AGMO: variants seen among roughly 807,000 people sequenced by gnomAD.
The protein encoded by AGMO is alkylglycerol monooxygenase.
AGMO carries 75 observed loss-of-function variants against 60.2 expected under a neutral mutation model. That is an observed-to-expected ratio of 1.25 (90% CI 1.03 to 1.51). The LOEUF (loss-of-function observed/expected upper bound fraction) is 1.51, where lower values mean the gene tolerates loss of function less well. Ranked by LOEUF, AGMO falls within the 40% of genes most tolerant of loss-of-function variation. The probability of loss-of-function intolerance (pLI) is 0.00; values close to 1 mark genes in which losing one functional copy is unlikely to be tolerated. For missense variants in AGMO, 763 were observed against 525.5 expected, an observed-to-expected ratio of 1.45 and a Z score of -4.42; for synonymous variants, 261 against 177.1, an observed-to-expected ratio of 1.47 and a Z score of -3.76.
At chr7:15,552,903 A>G (rs1311408020) in intron 2 of AGMO, among the ~76,000 whole-genome samples, 1 of 150,626 alleles carries the variant, frequency 6.6e-6, no homozygotes, top group Non-Finnish European at 1.5e-5. Flanking sequence ...TCACGATAGC[A>G]AAGACTTGGA....
intron 3 of AGMO, among the ~76,000 whole-genome samples, chr7:15,510,586 A>G (rs1438623201): frequency 1.3e-5 from 2 of 149,922 alleles, no homozygotes; most frequent in African/African-American, 4.9e-5. Flanking sequence ...TATGACATAT[A>G]TAACATAGAA....
rs377423725 is a variant in AGMO, at chr7:15,506,762, A to G, written c.409+38010T>C. ...CAGATAAAAGTGGGACAAAATATAG[A>G]GCCAGATCTCAGAAAGTGTGAGATG... On this transcript the variant is annotated intron_variant, in intron 3 of 12. Transcript: ENST00000342526. Among the ~76,000 whole-genome samples, 68 of 152,100 alleles carry G rather than the reference A, an allele frequency of 4.5e-4. 1 individual carries two copies. Among genetic ancestry groups the G allele is most frequent in the African/African-American group, 1.6e-3 (67 of 41,540 alleles).
At chr7:15,464,443 A>G (rs1782225591) in intron 3 of AGMO, among the ~76,000 whole-genome samples, 1 of 152,204 alleles carries the variant, frequency 6.6e-6, no homozygotes, top group South Asian at 2.1e-4. Flanking sequence ...AAATAAAAAA[A>G]TTCCTCATAA....
intron 5 of AGMO, among the ~76,000 whole-genome samples, chr7:15,408,484 C>T (rs1011241386): frequency 3.3e-5 from 5 of 151,654 alleles, no homozygotes; most frequent in South Asian, 2.1e-4. Flanking sequence ...GAAAGGCAAG[C>T]GGTATTAACG....
the AGMO span, among the ~76,000 whole-genome samples, chr7:15,145,686 C>T: frequency 6.6e-6 from 1 of 152,076 alleles, no homozygotes; most frequent in Admixed American, 6.5e-5. Flanking sequence ...TTTCCTTAAA[C>T]TTCACAATGT....
chr7:15,315,755 T>C (rs999438391), intron 12 of AGMO, among the ~76,000 whole-genome samples: 1 of 152,120 alleles, frequency 6.6e-6, no homozygotes, highest in Non-Finnish European at 1.5e-5. Flanking sequence ...ATACCTGTTA[T>C]TGAGATAAGA....
intron 10 of AGMO, among the ~76,000 whole-genome samples, chr7:15,379,434 C>A (rs186495306): frequency 0.097 from 14,736 of 152,010 alleles, 924 homozygotes; most frequent in South Asian, 0.16. Flanking sequence ...AGGTTATTAT[C>A]AATGACCCCA....
chr7:15,491,140 A>G (rs1583607888), intron 3 of AGMO, among the ~76,000 whole-genome samples: 1 of 152,204 alleles, frequency 6.6e-6, no homozygotes, highest in East Asian at 1.9e-4. Flanking sequence ...ACAAAGATGC[A>G]TCAAATACTG....
At chr7:15,169,433 T>TC in the AGMO span, among the ~76,000 whole-genome samples, 2 of 152,066 alleles carry the variant, frequency 1.3e-5, no homozygotes, top group African/African-American at 4.8e-5. Context: ...TTTTTCTTTT[T>TC]TTTCTTTCTT....
intron 3 of AGMO, among the ~76,000 whole-genome samples, chr7:15,468,892 C>A (rs1323798321): frequency 1.3e-5 from 2 of 151,928 alleles, no homozygotes; most frequent in African/African-American, 4.8e-5. Context: ...TAAAATGCTG[C>A]TCTTGTTGGT....
intron 8 of AGMO, among the ~76,000 whole-genome samples, chr7:15,388,263 T>C (rs1158702633): frequency 2.6e-5 from 4 of 152,158 alleles, no homozygotes; most frequent in Admixed American, 6.5e-5. Context: ...GTTCCATTAT[T>C]GGAACCCTAA....
chr7:15,167,537 A>C, the AGMO span, among the ~76,000 whole-genome samples: 25 of 152,226 alleles, frequency 1.6e-4, no homozygotes, highest in African/African-American at 5.8e-4. Flanking sequence ...AAGGAAAGAA[A>C]AAAATATCAC....
chr7:15,460,992 A>G (rs890646754), intron 3 of AGMO, among the ~76,000 whole-genome samples: 2 of 152,170 alleles, frequency 1.3e-5, no homozygotes, highest in Non-Finnish European at 2.9e-5. Flanking sequence ...TGCTACAGGC[A>G]TTTGTTGTGG....
At chr7:15,307,096 T>G (rs1303144570) in intron 12 of AGMO, among the ~76,000 whole-genome samples, 1 of 152,054 alleles carries the variant, frequency 6.6e-6, no homozygotes, top group South Asian at 2.1e-4. Flanking sequence ...CCATCACTAA[T>G]AGGACAAATC....
At chr7:15,301,829 G>A (rs772195872) in intron 12 of AGMO, among the ~76,000 whole-genome samples, 1 of 151,936 alleles carries the variant, frequency 6.6e-6, no homozygotes, top group Non-Finnish European at 1.5e-5. Context: ...ATTTTTAACA[G>A]CTGAATAATT....
At chr7:15,349,030 G>A (rs1782134861) in intron 12 of AGMO, among the ~76,000 whole-genome samples, 1 of 152,034 alleles carries the variant, frequency 6.6e-6, no homozygotes, top group Non-Finnish European at 1.5e-5. Context: ...TTATTTCTAT[G>A]AGTGACACCT....
rs1215659852 is a variant in AGMO, at chr7:15,210,640, G to C, written c.1264-9281C>G. Among the ~76,000 whole-genome samples, 3 of 152,022 alleles carry C rather than the reference G, an allele frequency of 2.0e-5. 1 individual carries two copies. Among genetic ancestry groups the C allele is most frequent in the African/African-American group, 7.2e-5 (3 of 41,416 alleles). On this transcript the variant is annotated intron_variant, in intron 12 of 12. Transcript: ENST00000342526. ...TAACTGTTCAATTTCCTGTATAACG[G>C]AGTGATATTCCTATAACAGAGAACA... is the stretch of plus-strand genomic sequence containing the variant.
chr7:15,393,561 T>C (rs1012321223), intron 6 of AGMO, among the ~76,000 whole-genome samples: 14 of 152,364 alleles, frequency 9.2e-5, no homozygotes, highest in African/African-American at 3.1e-4. Context: ...GGGTACACAA[T>C]GTAAACATTT....
intron 3 of AGMO, among the ~76,000 whole-genome samples, chr7:15,544,141 G>A (rs1306873593): frequency 2.6e-5 from 4 of 151,364 alleles, no homozygotes; most frequent in Admixed American, 2.0e-4. Context: ...AACATCATAT[G>A]TTCTCACTCA....
Sources: allele counts gnomAD v4.1 joint callset (sites outside exome capture counted in the v4.1 genomes callset), GRCh38; gene constraint gnomAD v4.1.1; transcripts MANE v1.5; gene names NCBI Gene and HGNC (gene_info 2026-07-23, HGNC 2026-07-21).